Variants in MECOM observed in about 807,000 individuals in gnomAD.
MECOM encodes the protein MDS1 and EVI1 complex locus, also known as histone-lysine N-methyltransferase MECOM.
In MECOM, 13 loss-of-function variants were observed where a neutral mutation model predicts 116.3. The observed-to-expected ratio is 0.11, with a 90% CI of 0.07 to 0.18. MECOM has a LOEUF of 0.18. Among genes scored for constraint, MECOM ranks in the 10% least tolerant of loss-of-function variants. MECOM has a pLI of 1.00. For synonymous variants in MECOM, 528 were observed against 535.2 expected (o/e 0.99, Z 0.19); for missense variants, 1,299 against 1,509.0 (o/e 0.86, Z 2.31).
intron 1 of MECOM, among the ~76,000 whole-genome samples, chr3:169,407,062 T>C (rs1287161362): frequency 2.0e-5 from 3 of 152,038 alleles, no homozygotes; most frequent in Non-Finnish European, 4.4e-5. Context: ...TTGGCCAAGC[T>C]GGTCTTGAAC....
At chr3:169,436,467 C>T (rs1742669504) in intron 1 of MECOM, among the ~76,000 whole-genome samples, 1 of 152,096 alleles carries the variant, frequency 6.6e-6, no homozygotes. Context: ...TCAGGCTGGT[C>T]TCAAACTCCC....
At chr3:169,122,552 G>A (rs761931023) in intron 6 of MECOM, 28 bp downstream of exon 6, 17 of 1,613,404 alleles carry the variant, frequency 1.1e-5, no homozygotes, top group Non-Finnish European at 1.4e-5. Flanking sequence ...GACATAGAGA[G>A]GCCAAGTAGC....
intron 1 of MECOM, among the ~76,000 whole-genome samples, chr3:169,469,658 C>A (rs1454075744): frequency 2.4e-4 from 37 of 152,104 alleles, no homozygotes; most frequent in Admixed American, 2.4e-3. Context: ...CGCCCCCTTG[C>A]ATTCATAAAC....
chr3:169,441,348 T>C (rs16853746), intron 1 of MECOM, among the ~76,000 whole-genome samples: 6,081 of 152,292 alleles, frequency 0.04, 221 homozygotes, highest in East Asian at 0.12. Flanking sequence ...AACAATACTT[T>C]GAGTGTATAT....
rs1478600129 is a variant in MECOM at position 169,128,042 on chromosome 3, C to A, written c.632G>T (p.Cys211Phe). ...TTCAAAGAGCTGGTCACAGTCTTCG[C>A]AGCGATATTGCCGTTCTTCTGTGAA... Reference protein sequence around the residue: ...PDIHEERQYRCEDCDQLFESK... With the variant: ...PDIHEERQYRFEDCDQLFESK... Residue 211 changes from cysteine to phenylalanine, a missense_variant, in exon 5 of 17, where the codon TGC (cysteine) becomes TTC (phenylalanine). Around this residue, in one of 6 missense-constraint regions of MECOM, gnomAD observed 374 missense variants for 433.4 expected, o/e 0.86. Transcript: ENST00000651503. 1 of 1,613,992 alleles carries A rather than the reference C, an allele frequency of 6.2e-7. No individual in the cohort carries two copies. The highest frequency in any genetic ancestry group is 8.5e-7 in the Non-Finnish European group (1 of 1,179,894).
chr3:169,602,194 G>A (rs538978654), intron 1 of MECOM, among the ~76,000 whole-genome samples: 2 of 152,328 alleles, frequency 1.3e-5, no homozygotes, highest in East Asian at 3.9e-4. Context: ...ATATTTGGTA[G>A]ATGGATATGG....
Position 169,224,671 on chromosome 3 carries a change from G to C in MECOM, c.376-80839C>G, listed in dbSNP as rs553419671. ...TCCAGTTTTCACAAATACTGAGATA[G>C]CTCATTGTTTGTAGTGTGACTTAAT... is the stretch of plus-strand genomic sequence containing the variant. On this transcript the variant is annotated intron_variant, in intron 2 of 16. Transcript: ENST00000651503. Among the ~76,000 whole-genome samples, 30 of 152,348 alleles carry C rather than the reference G, an allele frequency of 2.0e-4. 1 individual carries two copies. In the South Asian group the frequency reaches 5.4e-3, roughly 27 times the overall value.
chr3:169,144,235 G>T, intron 2 of MECOM, among the ~76,000 whole-genome samples: 1 of 121,898 alleles, frequency 8.2e-6, no homozygotes, highest in African/African-American at 2.8e-5. Context: ...TCACATTTTT[G>T]CACTTTAATT....
chr3:169,228,681 T>C (rs1753030399), intron 2 of MECOM, among the ~76,000 whole-genome samples: 1 of 152,200 alleles, frequency 6.6e-6, no homozygotes, highest in Non-Finnish European at 1.5e-5. Flanking sequence ...CGTAAGTCAC[T>C]CCAGCCAAGG....
At chr3:169,584,503 T>C (rs1247753301) in intron 1 of MECOM, among the ~76,000 whole-genome samples, 1 of 149,560 alleles carries the variant, frequency 6.7e-6, no homozygotes, top group Non-Finnish European at 1.5e-5. Flanking sequence ...AGGTGGAGCT[T>C]GCAGTGAGCA....
intron 2 of MECOM, among the ~76,000 whole-genome samples, chr3:169,184,972 G>A (rs1230854964): frequency 6.6e-6 from 1 of 152,148 alleles, no homozygotes; most frequent in African/African-American, 2.4e-5. Context: ...TGCCAGAAGG[G>A]AAGGTGGGCA....
At chr3:169,364,134 A>T (rs1728775163) in intron 2 of MECOM, among the ~76,000 whole-genome samples, 1 of 151,966 alleles carries the variant, frequency 6.6e-6, no homozygotes, top group Non-Finnish European at 1.5e-5. Flanking sequence ...TTGTTAATGA[A>T]ATGTTCTAAG....
chr3:169,234,534 C>T (rs1246311926), intron 2 of MECOM, among the ~76,000 whole-genome samples: 2 of 151,778 alleles, frequency 1.3e-5, no homozygotes, highest in African/African-American at 4.8e-5. Flanking sequence ...AAGGAATAGC[C>T]ATGTATTATA....
At chr3:169,373,076 A>G (rs1200653256) in intron 2 of MECOM, among the ~76,000 whole-genome samples, 1 of 152,058 alleles carries the variant, frequency 6.6e-6, no homozygotes, top group Non-Finnish European at 1.5e-5. Flanking sequence ...TCTAAAGTTC[A>G]TAACCTGAGA....
At chr3:169,639,369 ATTTCT>A (rs1773189758) in intron 1 of MECOM, among the ~76,000 whole-genome samples, 1 of 152,176 alleles carries the variant, frequency 6.6e-6, no homozygotes, top group South Asian at 2.1e-4. Flanking sequence ...AAAGATTATG[ATTTCT>A]TTTCAAAGTT....
At chr3:169,618,542 A>G (rs1276229379) in intron 1 of MECOM, among the ~76,000 whole-genome samples, 2 of 152,124 alleles carry the variant, frequency 1.3e-5, no homozygotes, top group African/African-American at 4.8e-5. Flanking sequence ...CCGTAGTCCC[A>G]GCTACTCAGG....
intron 2 of MECOM, among the ~76,000 whole-genome samples, chr3:169,168,471 T>G (rs1469053231): frequency 6.6e-6 from 1 of 152,076 alleles, no homozygotes; most frequent in Admixed American, 6.6e-5. Flanking sequence ...ATCAATAAAT[T>G]TTGCCAGTTT....
At chr3:169,315,966 G>T (rs900842158) in intron 2 of MECOM, among the ~76,000 whole-genome samples, 1 of 152,120 alleles carries the variant, frequency 6.6e-6, no homozygotes, top group Non-Finnish European at 1.5e-5. Context: ...AAAGTTATTT[G>T]TTCTTTGGTC....
At chr3:169,201,855 CA>C (rs1472498576) in intron 2 of MECOM, among the ~76,000 whole-genome samples, 1 of 152,068 alleles carries the variant, frequency 6.6e-6, no homozygotes, top group Non-Finnish European at 1.5e-5. Flanking sequence ...AATCTGAAAC[CA>C]AATGTTTGCT....
Sources: allele counts gnomAD v4.1 joint callset (sites outside exome capture counted in the v4.1 genomes callset), GRCh38; gene constraint gnomAD v4.1.1; regional missense constraint gnomAD v4.1.1; transcripts MANE v1.5; gene names NCBI Gene and HGNC (gene_info 2026-07-23, HGNC 2026-07-21).